Variants in PPFIBP2 observed in about 807,000 individuals in gnomAD.
PPFIBP2 encodes the protein liprin-beta-2.
A neutral mutation model predicts 118.3 loss-of-function variants in PPFIBP2; 118 were observed. That is an observed-to-expected ratio of 1.00 (90% confidence interval 0.86 to 1.16). The LOEUF is 1.16. Among genes scored for constraint, PPFIBP2 ranks in the 50% most tolerant of loss-of-function variants. The pLI is 0.00. For synonymous variants in PPFIBP2, 414 were observed against 397.4 expected, an observed-to-expected ratio of 1.04 and a Z score of -0.50; for missense variants, 1,195 against 1,073.1, an observed-to-expected ratio of 1.11 and a Z score of -1.59.
At chr11:7,613,642 G>A (rs1400593099) in intron 6 of PPFIBP2, among the ~76,000 whole-genome samples, 1 of 152,212 alleles carries the variant, frequency 6.6e-6, no homozygotes, top group Non-Finnish European at 1.5e-5. Context: ...GAAAGAAAGA[G>A]ATCCAGAGGT....
At chr11:7,587,497 A>C (rs576132360) in intron 3 of PPFIBP2, among the ~76,000 whole-genome samples, 1 of 152,356 alleles carries the variant, frequency 6.6e-6, no homozygotes, top group Non-Finnish European at 1.5e-5. Context: ...TTTGGTTGCA[A>C]ATAACAGAAA....
In PPFIBP2 at chr11:7,558,590, C is replaced by G. The variant is rs1049186194; in HGVS notation, c.65-6963C>G. ...GCAATATGGCAAAACCCCGTCTCTA[C>G]TAAAAAAATACAAAAATTAGCCAGG... On this transcript the variant is annotated intron_variant, in intron 2 of 23. Coordinates refer to ENST00000299492, the MANE Select transcript of PPFIBP2 (RefSeq NM_003621.5). Among the ~76,000 whole-genome samples the G allele has an allele frequency of 2.6e-5, 4 of 152,114 alleles. No individual in the cohort carries two copies. In the South Asian group the frequency reaches 6.2e-4, roughly 24 times the overall value.
chr11:7,532,685 G>A (rs776723172), intron 1 of PPFIBP2, among the ~76,000 whole-genome samples: 2 of 152,202 alleles, frequency 1.3e-5, no homozygotes, highest in African/African-American at 4.8e-5. Context: ...CCAGGCCTTC[G>A]GGGGAAGCCT....
At chr11:7,581,386 T>G (rs1857235424) in intron 3 of PPFIBP2, among the ~76,000 whole-genome samples, 1 of 152,212 alleles carries the variant, frequency 6.6e-6, no homozygotes, top group East Asian at 1.9e-4. Context: ...CTTCCAGCAC[T>G]CTCAGTGCTT....
intron 8 of PPFIBP2, among the ~76,000 whole-genome samples, chr11:7,627,365 A>C (rs1481384425): frequency 6.6e-6 from 1 of 152,210 alleles, no homozygotes; most frequent in East Asian, 1.9e-4. Context: ...CTATTTACAC[A>C]AAGTCCATAG....
intron 1 of PPFIBP2, among the ~76,000 whole-genome samples, chr11:7,533,084 A>G (rs1850889486): frequency 6.6e-6 from 1 of 152,050 alleles, no homozygotes; most frequent in South Asian, 2.1e-4. Flanking sequence ...AATAGGGAGA[A>G]GTGCCTGGTT....
At chr11:7,559,896 CT>C (rs1275237213) in intron 2 of PPFIBP2, among the ~76,000 whole-genome samples, 1 of 152,126 alleles carries the variant, frequency 6.6e-6, no homozygotes, top group African/African-American at 2.4e-5. Flanking sequence ...AAGGTTTTTA[CT>C]GTCTTTCAAG....
At chr11:7,539,247 CT>C (rs1229390931) in intron 1 of PPFIBP2, 3 of 152,506 alleles carry the variant, frequency 2.0e-5, no homozygotes, top group African/African-American at 7.2e-5. Context: ...CCTCTTTGTC[CT>C]GACAGGATAT....
intron 6 of PPFIBP2, among the ~76,000 whole-genome samples, chr11:7,619,753 G>T (rs1363394848): frequency 6.6e-6 from 1 of 152,238 alleles, no homozygotes; most frequent in East Asian, 1.9e-4. Context: ...GAGATGCAGA[G>T]GATAGATCCT....
chr11:7,613,252 G>A (rs1386332306), intron 6 of PPFIBP2, among the ~76,000 whole-genome samples: 2 of 152,228 alleles, frequency 1.3e-5, no homozygotes, highest in African/African-American at 2.4e-5. Flanking sequence ...ATTAGTCTCA[G>A]TTGTATCACT....
chr11:7,521,705 C>T (rs1234009594), intron 1 of PPFIBP2, among the ~76,000 whole-genome samples: 1 of 152,252 alleles, frequency 6.6e-6, no homozygotes, highest in Non-Finnish European at 1.5e-5. Flanking sequence ...GTGCGTGGCC[C>T]CACACTTAGC....
At chr11:7,573,738 T>C (rs1359629616) in intron 3 of PPFIBP2, among the ~76,000 whole-genome samples, 2 of 152,176 alleles carry the variant, frequency 1.3e-5, no homozygotes, top group Non-Finnish European at 2.9e-5. Context: ...CTGTGCACCA[T>C]GTCTGTTGAA....
chr11:7,572,931 C>T (rs1467071211), intron 3 of PPFIBP2, among the ~76,000 whole-genome samples: 1 of 152,158 alleles, frequency 6.6e-6, no homozygotes, highest in Non-Finnish European at 1.5e-5. Context: ...AGTTGTGCAC[C>T]ACCACACCCG....
At chr11:7,535,807 G>A (rs943271159) in intron 1 of PPFIBP2, among the ~76,000 whole-genome samples, 5 of 152,222 alleles carry the variant, frequency 3.3e-5, no homozygotes, top group Non-Finnish European at 5.9e-5. Flanking sequence ...TGGGCAGTAG[G>A]AGTGGAAAGG....
chr11:7,524,887 T>G (rs1850087150), intron 1 of PPFIBP2, among the ~76,000 whole-genome samples: 1 of 152,196 alleles, frequency 6.6e-6, no homozygotes, highest in African/African-American at 2.4e-5. Flanking sequence ...TGACTGGATG[T>G]CATGAAAAAG....
intron 3 of PPFIBP2, among the ~76,000 whole-genome samples, chr11:7,580,845 C>G (rs982144088): frequency 6.6e-6 from 1 of 152,150 alleles, no homozygotes; most frequent in Non-Finnish European, 1.5e-5. Flanking sequence ...AACATGCTTG[C>G]TATTAACTGC....
intron 1 of PPFIBP2, among the ~76,000 whole-genome samples, chr11:7,515,313 G>A (rs1378866700): frequency 6.6e-6 from 1 of 152,140 alleles, no homozygotes; most frequent in Non-Finnish European, 1.5e-5. Flanking sequence ...TTTAAGATTT[G>A]GTGATGTGAC....
At chr11:7,649,752 T>G (rs1853691299) in intron 21 of PPFIBP2, 98 bp downstream of exon 21, 1 of 1,518,774 alleles carries the variant, frequency 6.6e-7, no homozygotes, top group Admixed American at 1.9e-5. Context: ...AAGCACTGTT[T>G]TTTGCACCAT....
At chr11:7,664,214 G>A in the PPFIBP2 span, among the ~76,000 whole-genome samples, 1 of 152,218 alleles carries the variant, frequency 6.6e-6, no homozygotes, top group Admixed American at 6.5e-5. Context: ...GAAGGAGTCT[G>A]AATAGGTTCC....
Sources: gnomAD v4.1 joint callset for allele counts (sites outside exome capture counted in the v4.1 genomes callset) on GRCh38, gnomAD v4.1.1 for gene constraint, MANE v1.5 for transcripts, NCBI Gene and HGNC (gene_info 2026-07-23, HGNC 2026-07-21) for gene names.